SH3KBP1: variants seen among roughly 807,000 people sequenced by gnomAD.
SH3KBP1 encodes SH3 domain containing kinase binding protein 1, also known as SH3 domain-containing kinase-binding protein 1.
A neutral mutation model predicts 50.1 loss-of-function variants in SH3KBP1; 8 were observed. That is an observed-to-expected ratio of 0.16 (90% CI 0.09 to 0.29). SH3KBP1 has a LOEUF of 0.29. Ranked by LOEUF, SH3KBP1 falls within the 10% of genes least tolerant of loss-of-function variation. The pLI, the probability that SH3KBP1 is intolerant of heterozygous loss-of-function variation, is 1.00. For synonymous variants in SH3KBP1, 227 were observed against 218.6 expected (o/e 1.04, Z -0.34); for missense variants, 377 against 535.2 (o/e 0.70, Z 2.92).
chrX:19,733,933 T>C (rs1191464689), intron 3 of SH3KBP1, among the ~76,000 whole-genome samples: 1 of 112,072 alleles, frequency 8.9e-6, no homozygotes, highest in African/African-American at 3.2e-5. Context: ...GTGCAAGCTT[T>C]CAGGAAGTCA....
chrX:19,576,321 G>A (rs2066195829), intron 12 of SH3KBP1, among the ~76,000 whole-genome samples: 1 of 109,761 alleles, frequency 9.1e-6, no homozygotes, highest in African/African-American at 3.3e-5. Flanking sequence ...TGATCCCATA[G>A]AAATAACAGC....
intron 2 of SH3KBP1, among the ~76,000 whole-genome samples, chrX:19,811,481 C>T (rs2067206660): frequency 8.9e-6 from 1 of 112,001 alleles, no homozygotes; most frequent in Non-Finnish European, 1.9e-5. Flanking sequence ...AAGCCTTCGG[C>T]AGCAGGCATC....
intron 3 of SH3KBP1, among the ~76,000 whole-genome samples, chrX:19,743,443 G>C (rs1201978388): frequency 9.3e-6 from 1 of 107,831 alleles, no homozygotes; most frequent in Non-Finnish European, 1.9e-5. Flanking sequence ...AAATAAAAAA[G>C]AAAGAAAGAA....
At chrX:19,875,786 T>C (rs1422963553) in intron 1 of SH3KBP1, among the ~76,000 whole-genome samples, 1 of 112,396 alleles carries the variant, frequency 8.9e-6, no homozygotes, top group East Asian at 2.8e-4. Context: ...AACTGTGGCA[T>C]GTGCCCCATG....
intron 9 of SH3KBP1, among the ~76,000 whole-genome samples, chrX:19,604,193 A>C (rs1249153631): frequency 1.8e-5 from 2 of 111,813 alleles, no homozygotes; most frequent in Admixed American, 1.9e-4. Flanking sequence ...TGTCAAGGCC[A>C]AAAATAAACA....
At chrX:19,827,781 C>CTT (rs138898288) in intron 2 of SH3KBP1, among the ~76,000 whole-genome samples, 19 of 36,205 alleles carry the variant, frequency 5.2e-4, no homozygotes, top group East Asian at 8.8e-4. Flanking sequence ...GAAGTGCAGT[C>CTT]TTTTTTTTTT....
chrX:19,765,978 G>A (rs1367152191), intron 2 of SH3KBP1, among the ~76,000 whole-genome samples: 2 of 111,203 alleles, frequency 1.8e-5, no homozygotes, highest in African/African-American at 6.6e-5. Context: ...TGTGCACATG[G>A]GTGTATAATA....
At chrX:19,781,992 C>T (rs2066194976) in intron 2 of SH3KBP1, among the ~76,000 whole-genome samples, 1 of 111,581 alleles carries the variant, frequency 9.0e-6, no homozygotes, top group Non-Finnish European at 1.9e-5. Flanking sequence ...ATTGCTACTC[C>T]TACTGTGGTA....
chrX:19,671,373 CACACACACACACACACACACACAT>C (rs2062787449), intron 6 of SH3KBP1, among the ~76,000 whole-genome samples: 1 of 103,980 alleles, frequency 9.6e-6, no homozygotes. Flanking sequence ...TACTCATAAA[CACACACACACACACACACACACAT>C]ACACACACAC....
intron 8 of SH3KBP1, among the ~76,000 whole-genome samples, chrX:19,624,929 A>C (rs1315334224): frequency 1.8e-5 from 2 of 112,397 alleles, no homozygotes; most frequent in Admixed American, 1.9e-4. Context: ...ATGTCTGTCT[A>C]ATGGGTCTGT....
intron 17 of SH3KBP1, 83 bp from the exon 18 acceptor site, chrX:19,536,541 G>C: frequency 1.7e-6 from 1 of 603,746 alleles, no homozygotes; most frequent in Non-Finnish European, 2.6e-6. Context: ...CAACCCGGTC[G>C]ACTGAAAGAA....
intron 2 of SH3KBP1, among the ~76,000 whole-genome samples, chrX:19,799,986 T>G (rs2066849263): frequency 9.0e-6 from 1 of 111,706 alleles, no homozygotes; most frequent in African/African-American, 3.3e-5. Flanking sequence ...AGGAAGAAGT[T>G]ATAATTAACA....
chrX:19,851,453 G>A (rs1171220496), intron 1 of SH3KBP1, among the ~76,000 whole-genome samples: 8 of 113,041 alleles, frequency 7.1e-5, no homozygotes, highest in Non-Finnish European at 1.3e-4. Context: ...GCTACAGGAG[G>A]ACAGACAGCA....
intron 3 of SH3KBP1, among the ~76,000 whole-genome samples, chrX:19,725,095 A>G (rs1269524465): frequency 5.4e-5 from 6 of 111,000 alleles, no homozygotes; most frequent in Non-Finnish European, 1.1e-4. Context: ...AGAAGAAAGA[A>G]GAATTAAAAA....
intron 6 of SH3KBP1, among the ~76,000 whole-genome samples, chrX:19,668,367 T>C (rs1226240014): frequency 2.1e-5 from 2 of 94,775 alleles, no homozygotes; most frequent in African/African-American, 3.9e-5. Context: ...ATTAGCCAGG[T>C]GTGGTGGCGG....
chrX:19,727,579 C>T (rs1310717079), intron 3 of SH3KBP1, among the ~76,000 whole-genome samples: 2 of 112,713 alleles, frequency 1.8e-5, no homozygotes, highest in Non-Finnish European at 3.7e-5. Flanking sequence ...TTGCCTATTG[C>T]GAATAATGCT....
At chrX:19,620,924 T>A (rs1419785393) in intron 8 of SH3KBP1, among the ~76,000 whole-genome samples, 30 of 110,984 alleles carry the variant, frequency 2.7e-4, no homozygotes, top group African/African-American at 8.5e-4. Context: ...TTTTCTCCAG[T>A]GTTTCATACA....
At position 19,826,741 on chromosome X, in the gene SH3KBP1, A is replaced by G. The variant is rs1267315964; in HGVS notation, c.162+9384T>C. 3.6e-5 allele frequency among the ~76,000 whole-genome samples: 4 copies of G among 110,170 alleles called. No individual in the cohort carries two copies. In the East Asian group the frequency reaches 1.1e-3, roughly 31 times the overall value. ...ATAACATAACATAACATAACATAAC[A>G]TAACATAACACACCCAGAAAAATTA... is the stretch of plus-strand genomic sequence containing the variant. On this transcript the variant is annotated intron_variant, in intron 2 of 17. Coordinates refer to ENST00000397821, the MANE Select transcript of SH3KBP1 (RefSeq NM_031892.3).
intron 9 of SH3KBP1, among the ~76,000 whole-genome samples, chrX:19,603,778 T>C (rs5955822): frequency 0.3 from 33,335 of 110,751 alleles, 4,830 homozygotes; most frequent in African/African-American, 0.57. Flanking sequence ...GCCTCAAACT[T>C]CTGGGCCCAA....
Sources: allele counts gnomAD v4.1 joint callset (sites outside exome capture counted in the v4.1 genomes callset), GRCh38; gene constraint gnomAD v4.1.1; transcripts MANE v1.5; gene names NCBI Gene and HGNC (gene_info 2026-07-23, HGNC 2026-07-21).